The following ROBO2 variants were observed in gnomAD, a reference collection of about 807,000 sequenced individuals.
ROBO2 encodes the protein roundabout guidance receptor 2, also known as roundabout homolog 2.
A neutral mutation model predicts 160.8 loss-of-function variants in ROBO2; 53 were observed. That is an observed-to-expected ratio of 0.33 (90% CI 0.26 to 0.41). The LOEUF (loss-of-function observed/expected upper bound fraction) is 0.41, where lower values mean the gene tolerates loss of function less well. ROBO2 is among the 10% of genes least tolerant of loss of function. The pLI is 1.00. For missense variants in ROBO2, 1,577 were observed against 1,722.4 expected, an observed-to-expected ratio of 0.92 and a Z score of 1.49; for synonymous variants, 664 against 611.7, an observed-to-expected ratio of 1.09 and a Z score of -1.26.
chr3:75,956,480 A>G (rs1320126448), intron 2 of ROBO2, among the ~76,000 whole-genome samples: 1 of 151,688 alleles, frequency 6.6e-6, no homozygotes, highest in African/African-American at 2.4e-5. Context: ...GTCATTTTTT[A>G]TGTTGACTAT....
intron 2 of ROBO2, among the ~76,000 whole-genome samples, chr3:77,147,938 C>G (rs1310630843): frequency 6.6e-6 from 1 of 152,186 alleles, no homozygotes; most frequent in East Asian, 1.9e-4. Context: ...CCTTGAAGAA[C>G]TTCAAGCTGT....
At chr3:76,273,752 C>A (rs1214928512) in intron 2 of ROBO2, among the ~76,000 whole-genome samples, 2 of 152,138 alleles carry the variant, frequency 1.3e-5, no homozygotes, top group Non-Finnish European at 2.9e-5. Flanking sequence ...CCCTGTGATT[C>A]AATGATCTCC....
At chr3:76,802,503 C>T (rs978171104) in intron 2 of ROBO2, among the ~76,000 whole-genome samples, 1 of 151,876 alleles carries the variant, frequency 6.6e-6, no homozygotes, top group East Asian at 2.0e-4. Context: ...CTGAGGAGGG[C>T]GGATCACAAA....
chr3:77,531,777 G>T (rs1034455646), intron 6 of ROBO2, among the ~76,000 whole-genome samples: 1 of 152,058 alleles, frequency 6.6e-6, no homozygotes, highest in Admixed American at 6.6e-5. Context: ...TTTTGCAAAA[G>T]ATGTTCTAAG....
chr3:76,178,928 C>T (rs941865230), intron 2 of ROBO2, among the ~76,000 whole-genome samples: 9 of 151,872 alleles, frequency 5.9e-5, no homozygotes, highest in African/African-American at 1.5e-4. Flanking sequence ...GAAACAAGAG[C>T]GAAACTCCAT....
rs532547895 is a variant in ROBO2 at position 77,503,761 on chromosome 3, A to G, written c.806+10379A>G. Among the ~76,000 whole-genome samples, 5 of 152,070 alleles carry G rather than the reference A, an allele frequency of 3.3e-5. No individual in the cohort carries two copies. In the South Asian group the frequency reaches 1.0e-3, roughly 32 times the overall value. On this transcript the variant is annotated intron_variant, in intron 5 of 25. Coordinates refer to ENST00000461745, the Ensembl canonical transcript of ROBO2. ...ATATTTTTTTCATTTTTTTAAAACT[A>G]TGTAATGGTCCCTCAGGAAAAGTTG...
Position 77,579,927 on chromosome 3 carries a change from T to C in ROBO2, c.2329-20T>C. 4 of 1,608,734 alleles carry C rather than the reference T, an allele frequency of 2.5e-6. No homozygotes were observed. Among genetic ancestry groups the C allele is most frequent in the Non-Finnish European group, 3.4e-6 (4 of 1,175,154 alleles). ...ACGATAATCTTATATCCATGTGTTA[T>C]TCACTTTCCATTTCTGTAGATCTGG... is the stretch of plus-strand genomic sequence containing the variant. On this transcript the variant is annotated intron_variant, in intron 15 of 25. Coordinates refer to ENST00000461745, the Ensembl canonical transcript of ROBO2.
At chr3:76,220,283 A>T (rs1318187447) in intron 2 of ROBO2, among the ~76,000 whole-genome samples, 1 of 151,940 alleles carries the variant, frequency 6.6e-6, no homozygotes, top group Non-Finnish European at 1.5e-5. Context: ...CATATGTAAC[A>T]AGCCTGCACA....
At chr3:77,248,732 C>T (rs1042714704) in intron 2 of ROBO2, among the ~76,000 whole-genome samples, 1 of 151,818 alleles carries the variant, frequency 6.6e-6, no homozygotes, top group African/African-American at 2.4e-5. Context: ...CTCCAGTTCC[C>T]GCCCACGAAG....
chr3:77,144,325 T>C (rs2076953311), intron 2 of ROBO2, among the ~76,000 whole-genome samples: 1 of 152,174 alleles, frequency 6.6e-6, no homozygotes, highest in African/African-American at 2.4e-5. Flanking sequence ...TTGCAATTTG[T>C]CCCCCATATT....
intron 2 of ROBO2, among the ~76,000 whole-genome samples, chr3:75,971,973 C>T (rs1032491569): frequency 6.6e-6 from 1 of 151,502 alleles, no homozygotes; most frequent in African/African-American, 2.4e-5. Flanking sequence ...GAAATCGAAG[C>T]TTATTGCAAA....
intron 2 of ROBO2, among the ~76,000 whole-genome samples, chr3:76,567,364 C>T (rs1441527912): frequency 1.3e-5 from 2 of 151,664 alleles, no homozygotes; most frequent in Non-Finnish European, 2.9e-5. Context: ...TTTTCAATGC[C>T]GTTTAATACC....
At chr3:76,110,684 T>C (rs1010897825) in intron 2 of ROBO2, among the ~76,000 whole-genome samples, 27 of 151,954 alleles carry the variant, frequency 1.8e-4, no homozygotes, top group African/African-American at 6.3e-4. Flanking sequence ...AAAGAAAAAC[T>C]TTGAAAATAT....
chr3:77,074,208 A>G (rs1425280160), intron 1 of ROBO2, among the ~76,000 whole-genome samples: 9 of 152,200 alleles, frequency 5.9e-5, no homozygotes, highest in African/African-American at 2.2e-4. Context: ...CACAAATGTT[A>G]GTGGGTGAGG....
chr3:77,149,423 T>A (rs1173396397), intron 2 of ROBO2, among the ~76,000 whole-genome samples: 1 of 152,150 alleles, frequency 6.6e-6, no homozygotes, highest in Non-Finnish European at 1.5e-5. Flanking sequence ...GGGGAATTAG[T>A]ATTTATGCAT....
intron 2 of ROBO2, among the ~76,000 whole-genome samples, chr3:75,966,243 T>G (rs1949107931): frequency 6.8e-6 from 1 of 146,922 alleles, no homozygotes; most frequent in South Asian, 2.3e-4. Context: ...TGAAATAACT[T>G]CTCTTTAGCA....
intron 2 of ROBO2, among the ~76,000 whole-genome samples, chr3:76,329,404 G>C (rs906782168): frequency 2.0e-5 from 3 of 152,180 alleles, no homozygotes; most frequent in African/African-American, 7.2e-5. Flanking sequence ...TTTTAGTAGA[G>C]ATGGGGTTTC....
At chr3:76,414,737 G>A (rs2075676649) in intron 2 of ROBO2, among the ~76,000 whole-genome samples, 2 of 147,864 alleles carry the variant, frequency 1.4e-5, no homozygotes, top group Admixed American at 1.4e-4. Context: ...TGCACAATGT[G>A]CACATGTACC....
intron 2 of ROBO2, among the ~76,000 whole-genome samples, chr3:77,359,179 T>C (rs1290779226): frequency 6.6e-6 from 1 of 152,218 alleles, no homozygotes; most frequent in Non-Finnish European, 1.5e-5. Context: ...TGGATTTTAT[T>C]CGTTTCTCAG....
Sources: gnomAD v4.1 joint callset for allele counts (sites outside exome capture counted in the v4.1 genomes callset) on GRCh38, gnomAD v4.1.1 for gene constraint, MANE v1.5 for transcripts, NCBI Gene and HGNC (gene_info 2026-07-23, HGNC 2026-07-21) for gene names.